WASF3: variants seen among roughly 807,000 people sequenced by gnomAD.
WASF3 encodes the protein actin-binding protein WASF3.
A neutral mutation model predicts 46.6 loss-of-function variants in WASF3; 11 were observed. The observed-to-expected ratio is 0.24, with a 90% CI of 0.15 to 0.39. The LOEUF (loss-of-function observed/expected upper bound fraction) is 0.39. Ranked by LOEUF, WASF3 falls within the 10% of genes least tolerant of loss-of-function variation. WASF3 has a pLI of 1.00. For synonymous variants in WASF3, 242 were observed against 259.7 expected (o/e 0.93, Z 0.65); for missense variants, 576 against 669.8 (o/e 0.86, Z 1.55).
chr13:26,676,668 G>A lies in WASF3; in HGVS notation c.660G>A (p.Leu220=), dbSNP rs139779405. 2.9e-4 allele frequency: 476 copies of A among 1,614,068 alleles called. No homozygotes were observed. Among genetic ancestry groups the A allele is most frequent in the Non-Finnish European group, 3.6e-4 (427 of 1,180,048 alleles). ...YDKELRPDNR[L]SQSVYHGASS... ...AAGAGCTTAGACCCGACAACAGGTT[G>A]TCTCAGAGTGTGTACCATGGAGCGT... is the stretch of plus-strand genomic sequence containing the variant. Residue 220 remains leucine, a synonymous_variant, in exon 7 of 10, where the codon TTG becomes TTA. Transcript: ENST00000335327.
intron 7 of WASF3, 63 bp downstream of exon 7, chr13:26,676,787 A>AACCT: frequency 6.7e-7 from 1 of 1,488,774 alleles, no homozygotes; most frequent in Middle Eastern, 1.8e-4. Flanking sequence ...ACCTGGTTTT[A>AACCT]TTATCATTTG....
chr13:26,541,655 T>A, the WASF3 span, among the ~76,000 whole-genome samples: 1 of 149,388 alleles, frequency 6.7e-6, no homozygotes, highest in Non-Finnish European at 1.5e-5. Flanking sequence ...CTTTTTTTTT[T>A]CTTTTTTAGA....
At chr13:26,549,666 T>C in the WASF3 span, among the ~76,000 whole-genome samples, 1 of 152,170 alleles carries the variant, frequency 6.6e-6, no homozygotes, top group Non-Finnish European at 1.5e-5. Flanking sequence ...GACTCATCTG[T>C]CAAATATCCT....
At chr13:26,555,683 G>A (rs1167903721), upstream of WASF3, among the ~76,000 whole-genome samples, 1 of 152,212 alleles carries the variant, frequency 6.6e-6, no homozygotes, top group Non-Finnish European at 1.5e-5. Flanking sequence ...CACATGACAA[G>A]GATAGCAGAG....
intron 4 of WASF3, among the ~76,000 whole-genome samples, chr13:26,665,669 G>T (rs1051269439): frequency 3.9e-5 from 6 of 152,090 alleles, no homozygotes; most frequent in Admixed American, 3.9e-4. Context: ...TAGGCTGCAG[G>T]CTTTAAAATA....
chr13:26,618,480 C>T (rs971857924), intron 2 of WASF3, among the ~76,000 whole-genome samples: 20 of 151,590 alleles, frequency 1.3e-4, no homozygotes, highest in African/African-American at 2.2e-4. Context: ...CTCTCCCCAC[C>T]GTCTCCCCCA....
chr13:26,652,972 T>C (rs887668071), intron 3 of WASF3, among the ~76,000 whole-genome samples: 1 of 152,226 alleles, frequency 6.6e-6, no homozygotes, highest in Non-Finnish European at 1.5e-5. Flanking sequence ...ATTTTTGTGC[T>C]CTTAGTTGCC....
chr13:26,647,257 T>C (rs1410998415), intron 3 of WASF3, among the ~76,000 whole-genome samples: 1 of 152,222 alleles, frequency 6.6e-6, no homozygotes, highest in Admixed American at 6.5e-5. Flanking sequence ...TTTTTAAGTC[T>C]GTTTTAATTT....
Position 26,578,993 on chromosome 13 carries a change from CTTTT to C in WASF3, c.-109+21194_-109+21197del, listed in dbSNP as rs200299739. Among the ~76,000 whole-genome samples, 23 of 60,646 alleles carry C rather than the reference CTTTT, an allele frequency of 3.8e-4. No individual in the cohort carries two copies. The South Asian group carries it at 9.2e-3, about 24-fold the overall frequency. 39.8% of individuals were successfully genotyped at this position (60,646 alleles called of 152,430 possible). ...ACCTTATATTCTTGGGATACATTTCCTTTTTTTTTTTTTTTTTTTTTTTGTGGGT... is the reference window on the plus strand; with the variant it reads ...ACCTTATATTCTTGGGATACATTTCCTTTTTTTTTTTTTTTTTTTGTGGGT... On this transcript the variant is annotated intron_variant, in intron 1 of 9. Coordinates refer to ENST00000335327, the MANE Select transcript of WASF3 (RefSeq NM_006646.6).
At chr13:26,568,860 A>G (rs76956542) in intron 1 of WASF3, among the ~76,000 whole-genome samples, 1 of 152,196 alleles carries the variant, frequency 6.6e-6, no homozygotes, top group African/African-American at 2.4e-5. Flanking sequence ...CTTTCCCCGT[A>G]TGCCTGGCAG....
chr13:26,644,720 G>C (rs1593167072), intron 3 of WASF3, among the ~76,000 whole-genome samples: 1 of 152,198 alleles, frequency 6.6e-6, no homozygotes. Flanking sequence ...ATGTCATCTG[G>C]GGGTGAAAAA....
chr13:26,571,659 G>C (rs1879641525), intron 1 of WASF3, among the ~76,000 whole-genome samples: 1 of 152,120 alleles, frequency 6.6e-6, no homozygotes, highest in South Asian at 2.1e-4. Flanking sequence ...TTTGGAAAGG[G>C]CATTTCTCCC....
In WASF3 at chr13:26,688,057, A is replaced by G. The variant is rs1173215225; in HGVS notation, c.*2212A>G. 1.3e-5 allele frequency: 2 copies of G among 151,994 alleles called. No individual in the cohort carries two copies. Among genetic ancestry groups the G allele is most frequent in the Non-Finnish European group, 2.9e-5 (2 of 68,000 alleles). The allele number at this position is 151,994 out of a possible 1,614,324, so 9.4% of individuals were successfully genotyped here. ...TAGCTGAATCAACAAGTTATTTTCAACTCAATTTTATGACTTGCGAAAAAG... is the reference window on the plus strand; with the variant it reads ...TAGCTGAATCAACAAGTTATTTTCAGCTCAATTTTATGACTTGCGAAAAAG... On this transcript the variant is annotated 3_prime_UTR_variant, in exon 10 of 10. Transcript: ENST00000335327.
chr13:26,635,960 G>A (rs1411486903), intron 2 of WASF3, among the ~76,000 whole-genome samples: 1 of 152,230 alleles, frequency 6.6e-6, no homozygotes, highest in Non-Finnish European at 1.5e-5. Flanking sequence ...TAGGCTACAT[G>A]GGGGTCAGGG....
chr13:26,665,068 G>C lies in WASF3; in HGVS notation c.174G>C (p.Glu58Asp). The change falls in exon 4 of 10, where the codon GAG becomes GAC. Residue 58 changes from glutamate to aspartate, a missense_variant. Physicochemically the swap from Glu to Asp is conservative, Grantham distance 45 (BLOSUM62 2). Transcript: ENST00000335327. ...ACATATTTGGTGAGTTGTTTAATGAGGCTAACAACTTCTACATCAGAGCAA... is the reference window on the plus strand; with the variant it reads ...ACATATTTGGTGAGTTGTTTAATGACGCTAACAACTTCTACATCAGAGCAA... Reference protein sequence around the residue: ...AEDIFGELFNEANNFYIRANS... With the variant: ...AEDIFGELFNDANNFYIRANS... The C allele has an allele frequency of 1.9e-6, 3 of 1,614,046 alleles. No individual in the cohort carries two copies. The highest frequency in any genetic ancestry group is 2.5e-6 in the Non-Finnish European group (3 of 1,179,930).
chr13:26,653,742 T>C (rs914885233), intron 3 of WASF3, among the ~76,000 whole-genome samples: 1 of 152,212 alleles, frequency 6.6e-6, no homozygotes, highest in African/African-American at 2.4e-5. Context: ...TGGCTCAAAG[T>C]AACATCTTTA....
chr13:26,580,589 A>G (rs1879947418), intron 1 of WASF3, among the ~76,000 whole-genome samples: 1 of 150,656 alleles, frequency 6.6e-6, no homozygotes, highest in Non-Finnish European at 1.5e-5. Flanking sequence ...TCTCAGGTCA[A>G]ATTATTTCTG....
chr13:26,675,860 C>T (rs940346927), intron 6 of WASF3, among the ~76,000 whole-genome samples: 3 of 152,158 alleles, frequency 2.0e-5, no homozygotes, highest in Non-Finnish European at 2.9e-5. Flanking sequence ...ACATGATTCT[C>T]ATCCTTAAAG....
At chr13:26,600,866 T>C (rs1345281736) in intron 1 of WASF3, among the ~76,000 whole-genome samples, 1 of 152,196 alleles carries the variant, frequency 6.6e-6, no homozygotes, top group Non-Finnish European at 1.5e-5. Context: ...ACTTCTGTCT[T>C]TCCTCCTTTC....
Sources: allele counts gnomAD v4.1 joint callset (sites outside exome capture counted in the v4.1 genomes callset), GRCh38; gene constraint gnomAD v4.1.1; transcripts MANE v1.5; gene names NCBI Gene and HGNC (gene_info 2026-07-23, HGNC 2026-07-21).